Variants in EP400 observed in about 807,000 individuals in gnomAD.
The protein encoded by EP400 is E1A-binding protein p400.
A neutral mutation model predicts 354.1 loss-of-function variants in EP400; 105 were observed. The observed-to-expected ratio is 0.30, with a 90% CI of 0.25 to 0.35. EP400 has a LOEUF of 0.35. Ranked by LOEUF, EP400 falls within the 10% of genes least tolerant of loss-of-function variation. The probability of loss-of-function intolerance (pLI) is 1.00; values close to 1 mark genes in which losing one functional copy is unlikely to be tolerated. For synonymous variants in EP400, 1,646 were observed against 1,716.9 expected (o/e 0.96, Z 1.02); for missense variants, 3,280 against 4,121.0 (o/e 0.80, Z 5.59).
chr12:132,062,521 C>A lies in EP400; in HGVS notation c.8154C>A (p.Leu2718=), dbSNP rs372476110. The A allele has an allele frequency of 6.2e-7, 1 of 1,605,622 alleles. No homozygotes were observed. The highest frequency in any genetic ancestry group is 1.4e-5 in the African/African-American group (1 of 71,552). The change falls in exon 47 of 53, where the codon CTC becomes CTA. Residue 2718 remains leucine (L), a synonymous_variant. Coordinates refer to ENST00000389561, the MANE Select transcript of EP400 (RefSeq NM_015409.5). ...KTITPAHFQL[L]RQQQQQQQQQ... is the part of the protein sequence containing the mutation. ...TCACACCTGCACATTTCCAGCTTCT[C>A]AGGCAGCAGCAGCAGCAGCAGCAAC...
chr12:131,954,358 A>C (rs1891620738), intron 1 of EP400, among the ~76,000 whole-genome samples: 2 of 152,260 alleles, frequency 1.3e-5, no homozygotes, highest in South Asian at 2.1e-4. Context: ...AGATTAAGGC[A>C]GGAGAATTGT....
chr12:132,050,362 G>C lies in EP400; in HGVS notation c.7240G>C (p.Ala2414Pro). The part of the protein sequence containing the change: ...NRPLRTSQIY[A>P]QDENATHTQL... ...TCCTCTCCGTACGAGCCAGATCTAT[G>C]CCCAGGATGAGAATGCCACACACAC... Residue 2414 changes from alanine to proline, a missense_variant, in exon 40 of 53, where the codon GCC (alanine) becomes CCC (proline). Ala to Pro is a conservative substitution (Grantham distance 27). Around this residue, in one of 20 missense-constraint regions of EP400, gnomAD observed 84 missense variants for 133.0 expected, o/e 0.63. Coordinates refer to ENST00000389561, the MANE Select transcript of EP400 (RefSeq NM_015409.5). This position sits in a 1 kb window ranked among gnomAD's most constrained non-coding sequence, Gnocchi z 4.8. The C allele has an allele frequency of 6.2e-7, 1 of 1,614,098 alleles. No individual in the cohort carries two copies. Among genetic ancestry groups the C allele is most frequent in the East Asian group, 2.2e-5 (1 of 44,870 alleles).
intron 51 of EP400, among the ~76,000 whole-genome samples, chr12:132,071,831 G>A (rs1896077387): frequency 6.6e-6 from 1 of 152,118 alleles, no homozygotes; most frequent in South Asian, 2.1e-4. Context: ...CTCTGTTTCT[G>A]TATTATCACC....
At chr12:131,984,282 T>C (rs549327386) in intron 5 of EP400, among the ~76,000 whole-genome samples, 1 of 152,358 alleles carries the variant, frequency 6.6e-6, no homozygotes, top group East Asian at 1.9e-4. Context: ...CTATCTCTTA[T>C]TCACCACTTG....
intron 27 of EP400, chr12:132,028,934 A>G (rs866004365): frequency 6.5e-6 from 1 of 152,680 alleles, no homozygotes; most frequent in Non-Finnish European, 1.5e-5. Context: ...AGCTTTCAGG[A>G]TCTACCTATT....
intron 52 of EP400, among the ~76,000 whole-genome samples, chr12:132,076,850 C>T (rs1345824167): frequency 1.3e-5 from 2 of 152,254 alleles, no homozygotes; most frequent in Non-Finnish European, 2.9e-5. Context: ...GCGGGTGTGT[C>T]CTGCAAGTCG....
At chr12:132,045,680 T>G in intron 38 of EP400, 47 bp from the exon 39 acceptor site, 2 of 1,608,202 alleles carry the variant, frequency 1.2e-6, no homozygotes, top group African/African-American at 1.3e-5. Flanking sequence ...GAAGACCTTC[T>G]GACTTAGAGT....
At chr12:131,983,977 C>T (rs1050755618) in intron 5 of EP400, among the ~76,000 whole-genome samples, 1 of 152,064 alleles carries the variant, frequency 6.6e-6, no homozygotes, top group Non-Finnish European at 1.5e-5. Context: ...TCTCGGCTCA[C>T]CACAACCTCT....
chr12:131,951,065 AT>A (rs750396319), intron 1 of EP400, among the ~76,000 whole-genome samples: 1,899 of 104,212 alleles, frequency 0.018, 18 homozygotes, highest in African/African-American at 0.05. Context: ...ACGCCTGGCT[AT>A]TTTTTTTTTT....
Position 131,961,871 on chromosome 12 carries a change from C to T in EP400, c.1252C>T (p.Leu418Phe), listed in dbSNP as rs1351071343. ...KKHYAPLQAYLRQNDLDIEEE... is the reference protein window; with the variant it reads ...KKHYAPLQAYFRQNDLDIEEE... Reference sequence around the variant, plus strand: ...ACATTATGCCCCATTACAAGCATATCTTAGGCAGAATGATTTGGACATTGA... The same window carrying T: ...ACATTATGCCCCATTACAAGCATATTTTAGGCAGAATGATTTGGACATTGA... Residue 418 changes from leucine (L) to phenylalanine (F), a missense_variant, in exon 2 of 53, where the codon CTT becomes TTT. Coordinates refer to ENST00000389561, the MANE Select transcript of EP400 (RefSeq NM_015409.5). 1 of 1,613,956 alleles carries T rather than the reference C, an allele frequency of 6.2e-7. No individual in the cohort carries two copies. Among genetic ancestry groups the T allele is most frequent in the Non-Finnish European group, 8.5e-7 (1 of 1,180,032 alleles).
At chr12:132,043,179 A>C in intron 32 of EP400, 125 bp from the exon 33 acceptor site, 1 of 1,003,398 alleles carries the variant, frequency 1.0e-6, no homozygotes, top group African/African-American at 1.6e-5. Context: ...GGAGTGGATT[A>C]CCTTTATGGA....
rs140357820 is a variant in EP400 at position 131,952,587 on chromosome 12, G to A, written c.-36+2551G>A. Among the ~76,000 whole-genome samples, 332 of 152,186 alleles carry A rather than the reference G, an allele frequency of 2.2e-3. 4 individuals are homozygous for A. Among genetic ancestry groups the A allele is most frequent in the Non-Finnish European group, 2.8e-3 (190 of 68,008 alleles). ...CAAGTGATCTCCTCCCAGGTAACTGGGACTATAGGTGTGTGGCACCACGCC... is the reference window on the plus strand; with the variant it reads ...CAAGTGATCTCCTCCCAGGTAACTGAGACTATAGGTGTGTGGCACCACGCC... On this transcript the variant is annotated intron_variant, in intron 1 of 52. Transcript: ENST00000389561.
chr12:132,037,239 GA>G (rs1372609933), intron 30 of EP400, among the ~76,000 whole-genome samples: 1 of 151,288 alleles, frequency 6.6e-6, no homozygotes, highest in African/African-American at 2.5e-5. Flanking sequence ...ACCGGGGTTA[GA>G]AAGAGAAAAA....
chr12:132,043,628 A>C lies in EP400; in HGVS notation c.6367-17A>C. The C allele has an allele frequency of 6.3e-7, 1 of 1,598,602 alleles. No individual in the cohort carries two copies. Among genetic ancestry groups the C allele is most frequent in the Non-Finnish European group, 8.5e-7 (1 of 1,174,778 alleles). ...ACTTGCTATTAACCCTATTCAAAAA[A>C]TATACTTTTGGAACAGCTTACACCA... On this transcript the variant is annotated splice_polypyrimidine_tract_variant and intron_variant, in intron 33 of 52. Coordinates refer to ENST00000389561, the MANE Select transcript of EP400 (RefSeq NM_015409.5).
chr12:132,012,663 A>G (rs1893803757), intron 16 of EP400, among the ~76,000 whole-genome samples: 1 of 152,130 alleles, frequency 6.6e-6, no homozygotes, highest in Non-Finnish European at 1.5e-5. Context: ...GACATCTCTT[A>G]TTTTTCTGAG....
At chr12:132,037,206 A>G (rs1200846292) in intron 30 of EP400, among the ~76,000 whole-genome samples, 1 of 152,056 alleles carries the variant, frequency 6.6e-6, no homozygotes, top group Admixed American at 6.6e-5. Context: ...GTAATTGAAC[A>G]CCTCTTGTGG....
In EP400 at chr12:132,062,184, G is replaced by A. The variant is rs147773494; in HGVS notation, c.7959G>A (p.Thr2653=). The stretch of plus-strand genomic sequence containing the variant: ...CACGGGCAGTCGGCTCCCCAGCCAC[G>A]GCGACCCCTGACCTGGTGTCCATGG... The part of the protein sequence containing the change: ...PPPRAVGSPA[T]ATPDLVSMAT... The change falls in exon 46 of 53, where the codon ACG becomes ACA. Residue 2653 remains threonine, a synonymous_variant. Coordinates refer to ENST00000389561, the MANE Select transcript of EP400 (RefSeq NM_015409.5). The A allele has an allele frequency of 4.8e-5, 77 of 1,614,072 alleles. No homozygotes were observed. In the African/African-American group the frequency reaches 7.1e-4, roughly 15 times the overall value.
chr12:132,045,103 A>C, intron 37 of EP400, 150 bp downstream of exon 37: 4 of 1,343,282 alleles, frequency 3.0e-6, no homozygotes, highest in Non-Finnish European at 4.0e-6. Flanking sequence ...CTCTCAGGCC[A>C]TGTGCACAGG....
chr12:132,076,673 G>A, intron 52 of EP400, 80 bp downstream of exon 52: 4 of 1,318,174 alleles, frequency 3.0e-6, no homozygotes, highest in Non-Finnish European at 3.1e-6. Flanking sequence ...TCATGATTAG[G>A]GAATCACTTT....
Sources: gnomAD v4.1 joint callset for allele counts (sites outside exome capture counted in the v4.1 genomes callset) on GRCh38, gnomAD v4.1.1 for gene constraint, gnomAD v4.1.1 regional missense constraint, Gnocchi (gnomAD v3.1) non-coding constraint, MANE v1.5 for transcripts, NCBI Gene and HGNC (gene_info 2026-07-23, HGNC 2026-07-21) for gene names.